SFSWAP: variants seen among roughly 807,000 people sequenced by gnomAD.
SFSWAP encodes the protein splicing factor SWAP.
SFSWAP carries 17 observed loss-of-function variants against 100.7 expected under a neutral mutation model. The ratio of observed to expected loss-of-function variants is 0.17; its 90% CI spans 0.12 to 0.25. The LOEUF (loss-of-function observed/expected upper bound fraction) is 0.25. Among genes scored for constraint, SFSWAP ranks in the 10% least tolerant of loss-of-function variants. The pLI is 1.00. For missense variants in SFSWAP, 1,005 were observed against 1,262.6 expected, an observed-to-expected ratio of 0.80 and a Z score of 3.09; for synonymous variants, 504 against 510.1, an observed-to-expected ratio of 0.99 and a Z score of 0.16.
chr12:131,754,394 T>C lies in SFSWAP; in HGVS notation c.1349T>C (p.Ile450Thr), dbSNP rs1593151656. Reference protein sequence around the residue: ...TSALAPVAAIIPPPPDVQPVI... With the variant: ...TSALAPVAAITPPPPDVQPVI... The stretch of plus-strand genomic sequence containing the variant: ...GCACTTGCCCCCGTGGCCGCCATCA[T>C]CCCCCCGCCCCCCGACGTCCAGCCC... Residue 450 changes from isoleucine (I) to threonine (T), a missense_variant, in exon 9 of 18, where the codon ATC (isoleucine) becomes ACC (threonine). By Grantham distance (89) the Ile-to-Thr change is moderately conservative. This residue lies in a region of SFSWAP where 311 missense variants were observed against 317.8 expected (regional missense o/e 0.98). Transcript: ENST00000261674. The C allele has an allele frequency of 1.3e-6, 2 of 1,577,184 alleles. No homozygotes were observed. Among genetic ancestry groups the C allele is most frequent in the Non-Finnish European group, 1.7e-6 (2 of 1,164,536 alleles).
intron 13 of SFSWAP, among the ~76,000 whole-genome samples, chr12:131,777,063 C>G (rs1884082216): frequency 6.6e-6 from 1 of 152,190 alleles, no homozygotes; most frequent in Non-Finnish European, 1.5e-5. Context: ...TGCCGATACT[C>G]ATTTAAAAAC....
At position 131,714,437 on chromosome 12, in the gene SFSWAP, TC is replaced by T; in HGVS notation, c.388+200del. The stretch of plus-strand genomic sequence containing the variant: ...TTATATATAGAGCCACAAAGAATTT[TC>T]CCAGCTTTTGAGGGCAGACTGGGAT... On this transcript the variant is annotated intron_variant, in intron 2 of 17. Transcript: ENST00000261674. The surrounding 1 kb of genome is among the most constrained non-coding windows in gnomAD (Gnocchi z 6.0). 1 of 538,728 alleles carries T rather than the reference TC, an allele frequency of 1.9e-6. No individual in the cohort carries two copies. The highest frequency in any genetic ancestry group is 3.2e-6 in the Non-Finnish European group (1 of 311,974). 33.4% of individuals were successfully genotyped at this position (538,728 alleles called of 1,614,324 possible).
rs761368321 is a variant in SFSWAP at position 131,797,277 on chromosome 12, G to GCCCGCGGCC, written c.2645_2653dup (p.Pro882_Ala884dup). 6.2e-6 allele frequency: 10 copies of GCCCGCGGCC among 1,612,086 alleles called. No homozygotes were observed. Among genetic ancestry groups the GCCCGCGGCC allele is most frequent in the Non-Finnish European group, 8.5e-6 (10 of 1,179,556 alleles). ...CACCCAGCAAGCAGGCAGCGCCCCG[G>GCCCGCGGCC]CCCGCGGCCCCCGCGGCCCACTCGG... On this transcript the variant is annotated inframe_insertion, in exon 16 of 18. Transcript: ENST00000261674.
chr12:131,775,935 CAA>C (rs200016159), intron 13 of SFSWAP, among the ~76,000 whole-genome samples: 12 of 85,350 alleles, frequency 1.4e-4, no homozygotes, highest in Non-Finnish European at 1.3e-4. Flanking sequence ...ACTAAAAATA[CAA>C]AAAAAAAAAA....
chr12:131,722,543 G>A (rs1320285507), intron 4 of SFSWAP, among the ~76,000 whole-genome samples: 1 of 152,170 alleles, frequency 6.6e-6, no homozygotes, highest in Admixed American at 6.5e-5. Flanking sequence ...TGTGTGCAAC[G>A]CTTATTCTGT....
intron 13 of SFSWAP, among the ~76,000 whole-genome samples, chr12:131,768,698 G>A (rs1338543003): frequency 2.0e-5 from 3 of 152,176 alleles, no homozygotes; most frequent in African/African-American, 7.2e-5. Context: ...TTCAGGCAAG[G>A]TGGGAACCCC....
chr12:131,790,027 C>A (rs891804183), intron 15 of SFSWAP, among the ~76,000 whole-genome samples: 1 of 152,216 alleles, frequency 6.6e-6, no homozygotes, highest in Admixed American at 6.5e-5. Context: ...CTGGGTGACC[C>A]CTGCCTGAAT....
At chr12:131,715,063 C>T in intron 3 of SFSWAP, 110 bp downstream of exon 3, 1 of 1,053,434 alleles carries the variant, frequency 9.5e-7, no homozygotes, top group South Asian at 1.6e-5. Flanking sequence ...ATGATAGCAC[C>T]ACTATGACCA....
In SFSWAP at chr12:131,714,115, C is replaced by T; in HGVS notation, c.263C>T (p.Ala88Val). Reference sequence around the variant, plus strand: ...CTGCATGACCTTTCTGAGTACGATGCTGAGTATTCCACGTGGAACAGAGAT... The same window carrying T: ...CTGCATGACCTTTCTGAGTACGATGTTGAGTATTCCACGTGGAACAGAGAT... ...GHLHDLSEYD[A>V]EYSTWNRDYQ... Residue 88 changes from alanine to valine, a missense_variant, in exon 2 of 18, where the codon GCT becomes GTT. By Grantham distance (64) the Ala-to-Val change is moderately conservative (BLOSUM62 0). Coordinates refer to ENST00000261674, the MANE Select transcript of SFSWAP (RefSeq NM_004592.4). The surrounding 1 kb of genome is among the most constrained non-coding windows in gnomAD (Gnocchi z 6.0). 1.9e-6 allele frequency: 3 copies of T among 1,613,838 alleles called. No individual in the cohort carries two copies. Among genetic ancestry groups the T allele is most frequent in the Non-Finnish European group, 2.5e-6 (3 of 1,179,922 alleles).
chr12:131,791,393 A>G (rs1235686856), intron 15 of SFSWAP, among the ~76,000 whole-genome samples: 2 of 151,946 alleles, frequency 1.3e-5, no homozygotes, highest in Admixed American at 6.6e-5. Context: ...TATCTCAAAG[A>G]AAAATAAACG....
intron 8 of SFSWAP, 90 bp downstream of exon 8, chr12:131,753,453 T>G (rs1197446220): frequency 6.8e-7 from 1 of 1,474,076 alleles, no homozygotes; most frequent in African/African-American, 1.4e-5. Flanking sequence ...GGGCTTGTAA[T>G]CTAGATCATA....
intron 12 of SFSWAP, among the ~76,000 whole-genome samples, chr12:131,765,470 G>A (rs1365277561): frequency 6.6e-6 from 1 of 152,098 alleles, no homozygotes; most frequent in Non-Finnish European, 1.5e-5. Flanking sequence ...CCAACATGGT[G>A]AGACCCCATC....
intron 13 of SFSWAP, among the ~76,000 whole-genome samples, chr12:131,776,329 A>G (rs1365092832): frequency 6.6e-6 from 1 of 152,134 alleles, no homozygotes; most frequent in Non-Finnish European, 1.5e-5. Context: ...TGCCCGCCGC[A>G]CACCCACAAC....
At position 131,789,675 on chromosome 12, in the gene SFSWAP, G is replaced by A. The variant is rs543256839; in HGVS notation, c.2534+3087G>A. ...ATCCACTCCCCTCCCTCCCTCCTCCGTTCGTGTGTGTATTTCATGACCTTG... is the reference window on the plus strand; with the variant it reads ...ATCCACTCCCCTCCCTCCCTCCTCCATTCGTGTGTGTATTTCATGACCTTG... On this transcript the variant is annotated intron_variant, in intron 15 of 17. Coordinates refer to ENST00000261674, the MANE Select transcript of SFSWAP (RefSeq NM_004592.4). Among the ~76,000 whole-genome samples, 23 of 121,208 alleles carry A rather than the reference G, an allele frequency of 1.9e-4. No individual in the cohort carries two copies. In the South Asian group the frequency reaches 2.3e-3, roughly 12 times the overall value. 79.5% of individuals were successfully genotyped at this position (121,208 alleles called of 152,430 possible).
chr12:131,786,519 AG>A lies in SFSWAP; in HGVS notation c.2466del (p.Arg823GlyfsTer9). On this transcript the variant is annotated frameshift_variant, in exon 15 of 18. Transcript: ENST00000261674. ...RAHSPERRRE[E>X]RSVPTAYRVS... ...CACTCCCCTGAGAGACGGAGGGAAG[AG>A]AGGAGTGTGCCCACTGCCTACCGCG... is the stretch of plus-strand genomic sequence containing the variant. 1 of 1,587,624 alleles carries A rather than the reference AG, an allele frequency of 6.3e-7. No individual in the cohort carries two copies. Among genetic ancestry groups the A allele is most frequent in the Non-Finnish European group, 8.6e-7 (1 of 1,168,026 alleles).
chr12:131,718,024 C>T (rs1181925813), intron 3 of SFSWAP, among the ~76,000 whole-genome samples: 4 of 152,218 alleles, frequency 2.6e-5, no homozygotes, highest in African/African-American at 9.6e-5. Flanking sequence ...AGCCACCACA[C>T]CCGGTTACAG....
At position 131,754,358 on chromosome 12, in the gene SFSWAP, T is replaced by TCTC. The variant is rs767546612; in HGVS notation, c.1323-7_1323-5dup. On this transcript the variant is annotated splice_polypyrimidine_tract_variant and intron_variant, in intron 8 of 17. Coordinates refer to ENST00000261674, the MANE Select transcript of SFSWAP (RefSeq NM_004592.4). ...GAAGCCCAGGGGTCTCACAGACTCT[T>TCTC]CTCCTGCAGTGCACTTGCCCCCGTG... The TCTC allele has an allele frequency of 6.5e-7, 1 of 1,537,414 alleles. No homozygotes were observed. Among genetic ancestry groups the TCTC allele is most frequent in the Non-Finnish European group, 8.7e-7 (1 of 1,143,578 alleles).
At chr12:131,732,910 T>C (rs533773779) in intron 7 of SFSWAP, among the ~76,000 whole-genome samples, 3 of 152,170 alleles carry the variant, frequency 2.0e-5, no homozygotes, top group East Asian at 1.9e-4. Flanking sequence ...AGACTCTCAG[T>C]TGGGGCAAAC....
Position 131,778,225 on chromosome 12 carries a change from G to C in SFSWAP, c.2303G>C (p.Arg768Thr), listed in dbSNP as rs1884180372. The part of the protein sequence containing the change: ...KKKHKKRSRT[R>T]SRSPKYHSSS... ...AAGCACAAAAAAAGATCTCGAACAA[G>C]ATCACGTTCTCCCAAGTACCATTCG... Residue 768 changes from arginine (R) to threonine (T), a missense_variant, in exon 14 of 18, where the codon AGA (arginine) becomes ACA (threonine). By Grantham distance (71) the Arg-to-Thr change is moderately conservative. This residue lies in a region of SFSWAP where 295 missense variants were observed against 347.9 expected (regional missense o/e 0.85). Transcript: ENST00000261674. The surrounding 1 kb of genome is among the most constrained non-coding windows in gnomAD (Gnocchi z 4.2). 4 of 1,614,120 alleles carry C rather than the reference G, an allele frequency of 2.5e-6. No individual in the cohort carries two copies. The highest frequency in any genetic ancestry group is 1.3e-5 in the African/African-American group (1 of 75,022).
Sources: allele counts gnomAD v4.1 joint callset (sites outside exome capture counted in the v4.1 genomes callset), GRCh38; gene constraint gnomAD v4.1.1; regional missense constraint gnomAD v4.1.1; non-coding constraint Gnocchi (gnomAD v3.1); transcripts MANE v1.5; gene names NCBI Gene and HGNC (gene_info 2026-07-23, HGNC 2026-07-21).